The following ROBO2 variants were observed in gnomAD, a reference collection of about 807,000 sequenced individuals.
ROBO2 encodes the protein roundabout homolog 2.
ROBO2 carries 53 observed loss-of-function variants against 160.8 expected under a neutral mutation model. The ratio of observed to expected loss-of-function variants is 0.33; its 90% CI spans 0.26 to 0.41. The LOEUF is 0.41. ROBO2 is among the 10% of genes least tolerant of loss of function. The pLI, the probability that ROBO2 is intolerant of heterozygous loss-of-function variation, is 1.00. For missense variants in ROBO2, 1,577 were observed against 1,722.4 expected (o/e 0.92, Z 1.49); for synonymous variants, 664 against 611.7 (o/e 1.09, Z -1.26).
intron 2 of ROBO2, among the ~76,000 whole-genome samples, chr3:76,023,300 G>T (rs1159815623): frequency 2.0e-5 from 3 of 151,590 alleles, no homozygotes; most frequent in Non-Finnish European, 4.4e-5. Context: ...TCGTAAGTTG[G>T]CTGTTATAAG....
intron 2 of ROBO2, among the ~76,000 whole-genome samples, chr3:77,277,157 C>CT (rs1553882841): frequency 3.2e-3 from 285 of 88,212 alleles, no homozygotes; most frequent in Non-Finnish European, 4.9e-3. Flanking sequence ...TCCTTCTTTC[C>CT]TTCTTTCTTT....
At chr3:77,121,746 G>T (rs1366853346) in intron 2 of ROBO2, among the ~76,000 whole-genome samples, 3 of 151,734 alleles carry the variant, frequency 2.0e-5, no homozygotes, top group African/African-American at 7.3e-5. Flanking sequence ...ATCTCATCAG[G>T]GTAATAATTC....
intron 2 of ROBO2, among the ~76,000 whole-genome samples, chr3:75,971,673 T>C (rs2064998142): frequency 6.6e-6 from 1 of 151,604 alleles, no homozygotes; most frequent in South Asian, 2.1e-4. Flanking sequence ...ATTCTATAAC[T>C]TTGAAAAAAT....
At chr3:76,596,133 A>T (rs1024424526) in intron 2 of ROBO2, among the ~76,000 whole-genome samples, 17 of 152,138 alleles carry the variant, frequency 1.1e-4, no homozygotes, top group Non-Finnish European at 2.9e-5. Context: ...AGTAGTGTTT[A>T]TATAGAGAAG....
intron 2 of ROBO2, among the ~76,000 whole-genome samples, chr3:76,735,391 A>T (rs539382987): frequency 2.2e-4 from 33 of 152,308 alleles, no homozygotes; most frequent in African/African-American, 7.2e-4. Context: ...AACATTGTGT[A>T]TTCATAGACA....
exon 20 of ROBO2, chr3:77,602,251 A>G (rs2094443708): frequency 1.2e-6 from 2 of 1,614,066 alleles, no homozygotes; most frequent in African/African-American, 2.7e-5. Context: ...TAAAACAGCA[A>G]CGATGCTCTC....
At chr3:76,618,279 A>G (rs2088760690) in intron 2 of ROBO2, among the ~76,000 whole-genome samples, 1 of 151,696 alleles carries the variant, frequency 6.6e-6, no homozygotes, top group African/African-American at 2.4e-5. Flanking sequence ...TGCCCATTAC[A>G]TAGAGACTGC....
intron 2 of ROBO2, among the ~76,000 whole-genome samples, chr3:76,208,955 T>C (rs979275351): frequency 6.6e-6 from 1 of 152,170 alleles, no homozygotes; most frequent in Non-Finnish European, 1.5e-5. Flanking sequence ...TGCATGTACC[T>C]GCTTTCATGA....
At chr3:77,287,101 T>G (rs1260421253) in intron 2 of ROBO2, among the ~76,000 whole-genome samples, 1 of 152,182 alleles carries the variant, frequency 6.6e-6, no homozygotes, top group Non-Finnish European at 1.5e-5. Flanking sequence ...CATAAGCCAT[T>G]GTTTTATGGA....
intron 2 of ROBO2, among the ~76,000 whole-genome samples, chr3:76,649,140 A>G (rs1487313125): frequency 6.6e-6 from 1 of 152,116 alleles, no homozygotes; most frequent in East Asian, 1.9e-4. Flanking sequence ...TAACTTTGGA[A>G]GCAGAAAAAT....
chr3:76,832,233 T>C (rs2067154385), intron 2 of ROBO2, among the ~76,000 whole-genome samples: 1 of 152,218 alleles, frequency 6.6e-6, no homozygotes, highest in Non-Finnish European at 1.5e-5. Flanking sequence ...TAAAAACTTA[T>C]TGAACTAATT....
intron 2 of ROBO2, among the ~76,000 whole-genome samples, chr3:77,021,474 A>G (rs897241400): frequency 6.6e-6 from 1 of 152,200 alleles, no homozygotes; most frequent in Admixed American, 6.5e-5. Context: ...TATCTGGGTA[A>G]GAGCTGGCCA....
At chr3:77,425,669 CTTTTT>C (rs756195644) in intron 2 of ROBO2, among the ~76,000 whole-genome samples, 1 of 140,630 alleles carries the variant, frequency 7.1e-6, no homozygotes, top group Non-Finnish European at 1.6e-5. Flanking sequence ...CAATATGACT[CTTTTT>C]TTTTTTTTTT....
chr3:77,247,835 A>C (rs372519931), intron 2 of ROBO2, among the ~76,000 whole-genome samples: 12 of 152,168 alleles, frequency 7.9e-5, no homozygotes, highest in African/African-American at 2.4e-4. Flanking sequence ...AATGTTATTA[A>C]ATTCATAATA....
chr3:77,299,660 A>T (rs2062473564), intron 2 of ROBO2, among the ~76,000 whole-genome samples: 1 of 152,120 alleles, frequency 6.6e-6, no homozygotes, highest in African/African-American at 2.4e-5. Context: ...CTCTTCCATG[A>T]TACGTGGGGA....
chr3:77,150,601 T>G (rs2150520653), intron 2 of ROBO2, among the ~76,000 whole-genome samples: 1 of 152,176 alleles, frequency 6.6e-6, no homozygotes, highest in African/African-American at 2.4e-5. Flanking sequence ...TATTTTTTTT[T>G]CCCTTGCAAA....
At chr3:77,024,473 ATTGT>A (rs2062826651) in intron 2 of ROBO2, among the ~76,000 whole-genome samples, 1 of 152,180 alleles carries the variant, frequency 6.6e-6, no homozygotes, top group Admixed American at 6.5e-5. Flanking sequence ...ACAAAGAGAA[ATTGT>A]TTGTGTATTC....
intron 2 of ROBO2, among the ~76,000 whole-genome samples, chr3:75,944,679 G>A (rs748648995): frequency 6.6e-6 from 1 of 152,084 alleles, no homozygotes. Flanking sequence ...AGATTTACAG[G>A]TTGTTATATC....
intron 2 of ROBO2, among the ~76,000 whole-genome samples, chr3:76,850,435 C>T (rs928701306): frequency 1.2e-4 from 19 of 152,214 alleles, no homozygotes; most frequent in African/African-American, 3.6e-4. Context: ...TTTCTTCTTC[C>T]AGGGAGCTTT....
Sources: allele counts gnomAD v4.1 joint callset (sites outside exome capture counted in the v4.1 genomes callset), GRCh38; gene constraint gnomAD v4.1.1; transcripts MANE v1.5; gene names NCBI Gene and HGNC (gene_info 2026-07-23, HGNC 2026-07-21).